Variants in SEMA3A observed in about 807,000 individuals in gnomAD.
SEMA3A encodes semaphorin-3A.
A neutral mutation model predicts 97.9 loss-of-function variants in SEMA3A; 29 were observed. The observed-to-expected ratio is 0.30, with a 90% CI of 0.22 to 0.40. The LOEUF (loss-of-function observed/expected upper bound fraction) is 0.40. Ranked by LOEUF, SEMA3A falls within the 10% of genes least tolerant of loss-of-function variation. The pLI, the probability that SEMA3A is intolerant of heterozygous loss-of-function variation, is 1.00. For synonymous variants in SEMA3A, 321 were observed against 323.7 expected (o/e 0.99, Z 0.09); for missense variants, 763 against 951.3 (o/e 0.80, Z 2.60).
At chr7:84,229,320 T>C (rs1234423146) in intron 3 of SEMA3A, among the ~76,000 whole-genome samples, 2 of 152,122 alleles carry the variant, frequency 1.3e-5, no homozygotes, top group Non-Finnish European at 2.9e-5. Context: ...CAAATTAAAC[T>C]CATTAGGCCC....
At chr7:83,964,520 T>C (rs1348934825) in intron 15 of SEMA3A, among the ~76,000 whole-genome samples, 1 of 152,178 alleles carries the variant, frequency 6.6e-6, no homozygotes, top group Non-Finnish European at 1.5e-5. Context: ...TCAAAAATGC[T>C]ACTCCCATAC....
intron 3 of SEMA3A, among the ~76,000 whole-genome samples, chr7:84,122,775 GC>G: frequency 6.6e-6 from 1 of 152,146 alleles, no homozygotes; most frequent in African/African-American, 2.4e-5. Flanking sequence ...CATTCACTTG[GC>G]AAAAATTAGT....
At position 84,001,939 on chromosome 7, in the gene SEMA3A, A is replaced by G; in HGVS notation, c.1452+16T>C. 1 of 1,578,972 alleles carries G rather than the reference A, an allele frequency of 6.3e-7. No homozygotes were observed. The highest frequency in any genetic ancestry group is 8.7e-7 in the Non-Finnish European group (1 of 1,150,392). Reference sequence around the variant, plus strand: ...ACAACTGAACTTGTTGACACTTGAAATTAAGCAGCACTCACCCGAAAAACT... The same window carrying G: ...ACAACTGAACTTGTTGACACTTGAAGTTAAGCAGCACTCACCCGAAAAACT... On this transcript the variant is annotated intron_variant, in intron 12 of 16. Transcript: ENST00000265362.
intron 3 of SEMA3A, among the ~76,000 whole-genome samples, chr7:84,202,412 A>G (rs1420763261): frequency 1.3e-5 from 2 of 152,194 alleles, no homozygotes; most frequent in Non-Finnish European, 2.9e-5. Context: ...TTCATCTATT[A>G]AATATTCACT....
intron 1 of SEMA3A, among the ~76,000 whole-genome samples, chr7:84,402,611 T>C (rs1374432485): frequency 1.3e-5 from 2 of 152,168 alleles, no homozygotes; most frequent in Non-Finnish European, 2.9e-5. Context: ...TCAATGGATG[T>C]ATGAAGATAA....
At chr7:84,104,054 G>C (rs1202390968) in intron 4 of SEMA3A, among the ~76,000 whole-genome samples, 1 of 151,930 alleles carries the variant, frequency 6.6e-6, no homozygotes, top group African/African-American at 2.4e-5. Context: ...TAAAAGCTTT[G>C]ATCCAAACTA....
chr7:84,117,822 GACTATAAGAAAGTT>G (rs1260509904), intron 3 of SEMA3A, among the ~76,000 whole-genome samples: 1 of 152,146 alleles, frequency 6.6e-6, no homozygotes, highest in Non-Finnish European at 1.5e-5. Context: ...TTTGCTGTGT[GACTATAAGAAAGTT>G]ACTTAGAATC....
At chr7:83,966,719 T>C (rs1788708778) in intron 15 of SEMA3A, among the ~76,000 whole-genome samples, 1 of 8,026 alleles carries the variant, frequency 1.2e-4, no homozygotes, top group African/African-American at 4.3e-3. Context: ...TTTTTTTTCT[T>C]TTTTTTTTTG....
At chr7:84,339,778 C>T (rs185886254) in intron 2 of SEMA3A, among the ~76,000 whole-genome samples, 12 of 152,156 alleles carry the variant, frequency 7.9e-5, no homozygotes, top group Middle Eastern at 3.4e-3. Context: ...TAGAGCTAAA[C>T]GGTGTTTCAT....
chr7:84,395,081 A>T (rs1439545279), intron 1 of SEMA3A, among the ~76,000 whole-genome samples: 1 of 152,122 alleles, frequency 6.6e-6, no homozygotes, highest in East Asian at 1.9e-4. Context: ...AGTTTCCAAA[A>T]GATTACACCT....
At chr7:84,379,274 A>G (rs186640547) in intron 1 of SEMA3A, among the ~76,000 whole-genome samples, 1 of 152,204 alleles carries the variant, frequency 6.6e-6, no homozygotes. Flanking sequence ...GAAACGGAGG[A>G]AGCCTTAAGT....
chr7:83,976,177 A>C (rs2116302025), intron 15 of SEMA3A, among the ~76,000 whole-genome samples: 1 of 152,292 alleles, frequency 6.6e-6, no homozygotes, highest in South Asian at 2.1e-4. Context: ...TTTAGAAAGT[A>C]AGTTTTGGAA....
At chr7:84,319,291 G>C (rs937174197) in intron 2 of SEMA3A, among the ~76,000 whole-genome samples, 1 of 152,122 alleles carries the variant, frequency 6.6e-6, no homozygotes, top group African/African-American at 2.4e-5. Flanking sequence ...AGCTGGAAGA[G>C]TCAATAGACC....
At chr7:84,050,113 A>G (rs1289992247) in intron 5 of SEMA3A, among the ~76,000 whole-genome samples, 2 of 151,378 alleles carry the variant, frequency 1.3e-5, no homozygotes, top group Non-Finnish European at 3.0e-5. Flanking sequence ...CCAGTCTATC[A>G]TTGTTGGACA....
chr7:84,167,988 T>C (rs556468220), intron 1 of SEMA3A, among the ~76,000 whole-genome samples: 105 of 152,276 alleles, frequency 6.9e-4, no homozygotes, highest in African/African-American at 2.3e-3. Context: ...TTAGAGTTCC[T>C]CTGTTTTGTT....
intron 1 of SEMA3A, among the ~76,000 whole-genome samples, chr7:84,405,000 A>C (rs1204958007): frequency 6.6e-6 from 1 of 152,182 alleles, no homozygotes; most frequent in Non-Finnish European, 1.5e-5. Context: ...CGAGCAAAAT[A>C]ACCAGCTAAA....
chr7:84,168,418 T>C (rs1298581714), intron 1 of SEMA3A, among the ~76,000 whole-genome samples: 2 of 152,004 alleles, frequency 1.3e-5, no homozygotes, highest in Non-Finnish European at 2.9e-5. Flanking sequence ...AACACTTTAA[T>C]ATTTGGATTT....
chr7:84,227,396 A>G (rs568718617), intron 3 of SEMA3A, among the ~76,000 whole-genome samples: 1 of 152,082 alleles, frequency 6.6e-6, no homozygotes, highest in Middle Eastern at 3.4e-3. Context: ...ACAACAGCAA[A>G]ACTAAAAATA....
chr7:84,081,356 G>C (rs1794150312), intron 4 of SEMA3A, among the ~76,000 whole-genome samples: 3 of 152,090 alleles, frequency 2.0e-5, no homozygotes, highest in Admixed American at 2.0e-4. Context: ...ACTTTGGGAG[G>C]CCAAGGAGGG....
Sources: gnomAD v4.1 joint callset for allele counts (sites outside exome capture counted in the v4.1 genomes callset) on GRCh38, gnomAD v4.1.1 for gene constraint, MANE v1.5 for transcripts, NCBI Gene and HGNC (gene_info 2026-07-23, HGNC 2026-07-21) for gene names.